The following TENM3 variants were observed in gnomAD, a reference collection of about 807,000 sequenced individuals.
TENM3 encodes teneurin transmembrane protein 3.
In TENM3, 63 loss-of-function variants were observed where a neutral mutation model predicts 255.1. The observed-to-expected ratio is 0.25, with a 90% CI of 0.20 to 0.30. The LOEUF is 0.30. Ranked by LOEUF, TENM3 falls within the 10% of genes least tolerant of loss-of-function variation. The pLI is 1.00. For synonymous variants in TENM3, 1,306 were observed against 1,322.3 expected (o/e 0.99, Z 0.27); for missense variants, 2,929 against 3,461.1 (o/e 0.85, Z 3.86).
chr4:182,045,132 G>C, the TENM3 span, among the ~76,000 whole-genome samples: 1 of 152,180 alleles, frequency 6.6e-6, no homozygotes, highest in African/African-American at 2.4e-5. Context: ...GTGGGACACG[G>C]TGATAATTTT....
At chr4:181,798,090 AGTGT>A in the TENM3 span, among the ~76,000 whole-genome samples, 31,510 of 149,806 alleles carry the variant, frequency 0.21, 3,487 homozygotes, top group South Asian at 0.31. Context: ...TTTCAAAATA[AGTGT>A]GTGTGTGTGT....
At chr4:181,943,768 G>A in the TENM3 span, among the ~76,000 whole-genome samples, 1 of 152,108 alleles carries the variant, frequency 6.6e-6, no homozygotes, top group Non-Finnish European at 1.5e-5. Context: ...CTGTAGTTCA[G>A]CTTCATCATA....
chr4:182,045,817 G>A, the TENM3 span, among the ~76,000 whole-genome samples: 1 of 152,194 alleles, frequency 6.6e-6, no homozygotes, highest in Admixed American at 6.5e-5. Flanking sequence ...GGGAAGCATA[G>A]GTGAGACAAT....
chr4:181,707,821 A>G, the TENM3 span, among the ~76,000 whole-genome samples: 1 of 152,236 alleles, frequency 6.6e-6, no homozygotes, highest in African/African-American at 2.4e-5. Context: ...CAAACAGAAA[A>G]TTAGCATATA....
At chr4:181,793,370 C>T in the TENM3 span, among the ~76,000 whole-genome samples, 2 of 152,172 alleles carry the variant, frequency 1.3e-5, no homozygotes, top group Non-Finnish European at 2.9e-5. Flanking sequence ...TCGCTGAGCC[C>T]ACAGAGCATG....
At chr4:181,474,716 C>T in the TENM3 span, among the ~76,000 whole-genome samples, 2 of 142,050 alleles carry the variant, frequency 1.4e-5, no homozygotes, top group African/African-American at 5.3e-5. Context: ...GCCCAGGTAA[C>T]AGTGTGAGAC....
chr4:181,997,517 G>GC, the TENM3 span, among the ~76,000 whole-genome samples: 235 of 152,284 alleles, frequency 1.5e-3, 2 homozygotes, highest in African/African-American at 5.3e-3. Context: ...CTCTGTTAAA[G>GC]ATCTATTGCA....
chr4:182,243,749 T>C (rs994355962), intron 1 of TENM3, among the ~76,000 whole-genome samples: 1 of 152,092 alleles, frequency 6.6e-6, no homozygotes, highest in Non-Finnish European at 1.5e-5. Flanking sequence ...CGTCCTTGTT[T>C]TATAAGTAAA....
intron 1 of TENM3, among the ~76,000 whole-genome samples, chr4:182,218,688 A>T (rs1272809956): frequency 6.6e-6 from 1 of 152,208 alleles, no homozygotes; most frequent in Admixed American, 6.5e-5. Context: ...CATATTATAC[A>T]ACCTCATTGA....
At position 182,684,481 on chromosome 4, in the gene TENM3, A is replaced by ATGACGT. The variant is rs1756423361; in HGVS notation, c.2035+2470_2035+2475dup. 2.0e-5 allele frequency among the ~76,000 whole-genome samples: 3 copies of ATGACGT among 148,776 alleles called. No individual in the cohort carries two copies. The South Asian group carries it at 6.4e-4, about 32-fold the overall frequency. On this transcript the variant is annotated intron_variant, in intron 11 of 27. Coordinates refer to ENST00000511685, the MANE Select transcript of TENM3 (RefSeq NM_001080477.4). ...TTTGGACTGGCCATTCACTGGCAAT[A>ATGACGT]TGACGTTGGGCAATTTATTTAATAT...
intron 7 of TENM3, among the ~76,000 whole-genome samples, chr4:182,675,576 G>T (rs1755603231): frequency 6.6e-6 from 1 of 151,854 alleles, no homozygotes; most frequent in African/African-American, 2.4e-5. Context: ...TTTCTTAAGT[G>T]GAAGTCCTCT....
At position 182,628,710 on chromosome 4, in the gene TENM3, G is replaced by A; in HGVS notation, c.809G>A (p.Gly270Glu). The A allele has an allele frequency of 1.2e-6, 2 of 1,608,316 alleles. No individual in the cohort carries two copies. Among genetic ancestry groups the A allele is most frequent in the East Asian group, 2.2e-5 (1 of 44,698 alleles). Residue 270 changes from glycine to glutamate, a missense_variant, in exon 5 of 28, where the codon GGA becomes GAA. Gly to Glu is a moderately conservative substitution (Grantham distance 98). This residue lies in a region of TENM3 where 1,608 missense variants were observed against 1,884.4 expected (regional missense o/e 0.85). Transcript: ENST00000511685. ...CCACTGTTCAGTACTGCAACCCCAG[G>A]ATACACAATGGCATCTGGCTCTGTT... ...TTPLFSTATP[G>E]YTMASGSVYS...
chr4:182,674,656 GC>G (rs1554012858), intron 7 of TENM3, among the ~76,000 whole-genome samples: 3 of 151,506 alleles, frequency 2.0e-5, no homozygotes, highest in Non-Finnish European at 4.4e-5. Flanking sequence ...CCTCACTGTA[GC>G]CTCAACCTCC....
At chr4:182,115,296 T>C in the TENM3 span, among the ~76,000 whole-genome samples, 1 of 152,226 alleles carries the variant, frequency 6.6e-6, no homozygotes, top group Admixed American at 6.5e-5. Context: ...TTATTTCACA[T>C]ACTACCCTTG....
chr4:182,489,200 G>C (rs1190779485), intron 3 of TENM3, among the ~76,000 whole-genome samples: 3 of 152,046 alleles, frequency 2.0e-5, no homozygotes, highest in Non-Finnish European at 2.9e-5. Context: ...ATTTTATTTT[G>C]AACGCATGAA....
At chr4:182,692,473 T>C (rs1757079882) in intron 12 of TENM3, among the ~76,000 whole-genome samples, 1 of 152,170 alleles carries the variant, frequency 6.6e-6, no homozygotes, top group African/African-American at 2.4e-5. Flanking sequence ...GTAAGTGAGA[T>C]TGAGACCATA....
At chr4:181,641,813 T>TATATAC in the TENM3 span, among the ~76,000 whole-genome samples, 3 of 105,044 alleles carry the variant, frequency 2.9e-5, no homozygotes, top group Non-Finnish European at 5.6e-5. Flanking sequence ...ACCATATATA[T>TATATAC]ATATATATAT....
intron 3 of TENM3, among the ~76,000 whole-genome samples, chr4:182,486,314 G>T (rs188506077): frequency 0.052 from 5,565 of 107,478 alleles, 166 homozygotes; most frequent in Non-Finnish European, 0.083. Context: ...TTAATTGTGT[G>T]TGGGGGGGAG....
intron 1 of TENM3, among the ~76,000 whole-genome samples, chr4:182,209,276 C>T (rs1237822946): frequency 1.4e-5 from 1 of 71,544 alleles, no homozygotes; most frequent in Non-Finnish European, 3.1e-5. Flanking sequence ...CCCAGCTGTC[C>T]CTCTTTAAAA....
Sources: gnomAD v4.1 joint callset for allele counts (sites outside exome capture counted in the v4.1 genomes callset) on GRCh38, gnomAD v4.1.1 for gene constraint, gnomAD v4.1.1 regional missense constraint, MANE v1.5 for transcripts, NCBI Gene and HGNC (gene_info 2026-07-23, HGNC 2026-07-21) for gene names.